The following COX5A variants were observed in gnomAD, a reference collection of about 807,000 sequenced individuals.
COX5A encodes the protein cytochrome c oxidase subunit 5A.
A neutral mutation model predicts 16.1 loss-of-function variants in COX5A; 6 were observed. That is an observed-to-expected ratio of 0.37 (90% CI 0.20 to 0.73). The LOEUF (loss-of-function observed/expected upper bound fraction) is 0.73, where lower values mean the gene tolerates loss of function less well. COX5A is among the 30% of genes least tolerant of loss of function. The pLI is 0.50. For synonymous variants in COX5A, 73 were observed against 73.8 expected (o/e 0.99, Z 0.06); for missense variants, 159 against 194.9 (o/e 0.82, Z 1.10).
At chr15:74,928,510 G>A (rs1297456508) in intron 2 of COX5A, among the ~76,000 whole-genome samples, 3 of 151,722 alleles carry the variant, frequency 2.0e-5, no homozygotes, top group East Asian at 3.9e-4. Context: ...TCAGCCTCCC[G>A]AGTAGCTGTG....
chr15:74,935,902 T>A (rs1479589662), intron 1 of COX5A, among the ~76,000 whole-genome samples: 1 of 151,556 alleles, frequency 6.6e-6, no homozygotes, highest in African/African-American at 2.4e-5. Flanking sequence ...AAAATGTAAA[T>A]TGTACTGTTA....
intron 1 of COX5A, among the ~76,000 whole-genome samples, chr15:74,935,876 C>T (rs2065387758): frequency 6.6e-6 from 1 of 151,980 alleles, no homozygotes; most frequent in Non-Finnish European, 1.5e-5. Flanking sequence ...AGGCGTGAGC[C>T]ACCGTGTCCG....
intron 1 of COX5A, among the ~76,000 whole-genome samples, chr15:74,929,735 A>C (rs867831898): frequency 1.1e-4 from 16 of 152,152 alleles, no homozygotes; most frequent in Admixed American, 2.0e-4. Context: ...GAACCTGATA[A>C]GATAGCCATT....
chr15:74,928,394 T>G (rs1336633656), intron 2 of COX5A, among the ~76,000 whole-genome samples: 1 of 152,144 alleles, frequency 6.6e-6, no homozygotes, highest in Non-Finnish European at 1.5e-5. Flanking sequence ...AATTCTTTTT[T>G]TTTTTTCTGA....
Position 74,926,763 on chromosome 15 carries a change from G to T in COX5A, c.339+3C>A. 1 of 1,606,746 alleles carries T rather than the reference G, an allele frequency of 6.2e-7. No homozygotes were observed. The highest frequency in any genetic ancestry group is 1.1e-5 in the South Asian group (1 of 89,494). On this transcript the variant is annotated splice_donor_region_variant and intron_variant, in intron 3 of 4. Coordinates refer to ENST00000322347, the MANE Select transcript of COX5A (RefSeq NM_004255.4). ...ACAATTTTAGCATTATTATTTCACT[G>T]ACCTTAACAACCTCTAGGATACGAA... is the stretch of plus-strand genomic sequence containing the variant.
chr15:74,928,388 C>A (rs1029916234), intron 2 of COX5A, among the ~76,000 whole-genome samples: 1 of 145,834 alleles, frequency 6.9e-6, no homozygotes, highest in East Asian at 2.0e-4. Flanking sequence ...TGTGTAAATT[C>A]TTTTTTTTTT....
At chr15:74,922,766 A>C (rs977293584) in intron 4 of COX5A, among the ~76,000 whole-genome samples, 8 of 151,602 alleles carry the variant, frequency 5.3e-5, no homozygotes, top group African/African-American at 1.9e-4. Context: ...CCTGGGTTCA[A>C]GTGATTCTCC....
At chr15:74,933,438 T>G (rs199588244) in intron 1 of COX5A, among the ~76,000 whole-genome samples, 1 of 125,858 alleles carries the variant, frequency 7.9e-6, no homozygotes, top group Non-Finnish European at 1.6e-5. Flanking sequence ...TATCTATCTA[T>G]CTATCTATCT....
rs1290030060 is a variant in COX5A, at chr15:74,929,250, C to A, written c.101-18G>T. 6.6e-7 allele frequency: 1 copy of A among 1,504,016 alleles called. No homozygotes were observed. The highest frequency in any genetic ancestry group is 9.3e-7 in the Non-Finnish European group (1 of 1,080,750). The allele number at this position is 1,504,016 out of a possible 1,614,324, so 93.2% of individuals were successfully genotyped here. On this transcript the variant is annotated intron_variant, in intron 1 of 4. Transcript: ENST00000322347. ...CTGGATAGCTATAATGTGAAAGAAC[C>A]ATAACTTCAATGTACACAAATAGTA... is the stretch of plus-strand genomic sequence containing the variant.
In COX5A at chr15:74,938,025, G is replaced by A. The variant is rs1024787372; in HGVS notation, c.-11C>T. 1.6e-6 allele frequency: 2 copies of A among 1,229,868 alleles called. No homozygotes were observed. The highest frequency in any genetic ancestry group is 2.0e-6 in the Non-Finnish European group (2 of 986,548). The allele number at this position is 1,229,868 out of a possible 1,614,324, so 76.2% of individuals were successfully genotyped here. A position where few individuals can be genotyped will look rare whatever the true frequency, so the allele number is the denominator to read the frequency against. ...AGCGGCGCCCAGCATGACGGCGATG[G>A]CGGCGCGCGGGCTGAGGACAGAGAG... On this transcript the variant is annotated 5_prime_UTR_variant, in exon 1 of 5. Transcript: ENST00000322347.
At chr15:74,928,067 C>T (rs975610511) in intron 2 of COX5A, among the ~76,000 whole-genome samples, 5 of 152,112 alleles carry the variant, frequency 3.3e-5, no homozygotes, top group African/African-American at 1.2e-4. Context: ...AGTAAGAATT[C>T]TATTGGTTGT....
At chr15:74,927,901 G>A (rs1054401696) in intron 2 of COX5A, among the ~76,000 whole-genome samples, 7 of 152,302 alleles carry the variant, frequency 4.6e-5, no homozygotes, top group African/African-American at 1.7e-4. Flanking sequence ...AGATATTATA[G>A]AGAAACATTA....
intron 1 of COX5A, among the ~76,000 whole-genome samples, chr15:74,936,794 A>T (rs1339955463): frequency 6.6e-6 from 1 of 151,332 alleles, no homozygotes; most frequent in Non-Finnish European, 1.5e-5. Context: ...ACCCAGCTAA[A>T]TTTTTTGTAT....
chr15:74,935,396 G>GGGA (rs1192183132), intron 1 of COX5A, among the ~76,000 whole-genome samples: 1 of 151,892 alleles, frequency 6.6e-6, no homozygotes, highest in Admixed American at 6.6e-5. Flanking sequence ...TTTGGAAGGT[G>GGGA]GGAGGAGGGA....
rs763453964 is a variant in COX5A at position 74,923,654 on chromosome 15, G to A, written c.*3C>T. On this transcript the variant is annotated 3_prime_UTR_variant, in exon 4 of 5. Transcript: ENST00000322347. ...TCAGTGGTTTGTCGCTTACCCATGCGGTTTACACTTTGTCAAGGCCCAGTT... is the reference window on the plus strand; with the variant it reads ...TCAGTGGTTTGTCGCTTACCCATGCAGTTTACACTTTGTCAAGGCCCAGTT... 17 of 1,586,070 alleles carry A rather than the reference G, an allele frequency of 1.1e-5. No individual in the cohort carries two copies. Among genetic ancestry groups the A allele is most frequent in the Admixed American group, 5.0e-5 (3 of 59,884 alleles).
chr15:74,936,931 G>A (rs1185196476), intron 1 of COX5A, among the ~76,000 whole-genome samples: 1 of 152,048 alleles, frequency 6.6e-6, no homozygotes, highest in Admixed American at 6.6e-5. Context: ...GCCCGGCTGA[G>A]TTCTTTTTTT....
intron 1 of COX5A, 185 bp downstream of exon 1, chr15:74,937,730 C>T (rs2065398204): frequency 2.6e-6 from 1 of 387,530 alleles, no homozygotes; most frequent in Non-Finnish European, 4.5e-6. Context: ...GGGGGGAGGC[C>T]CCGGGGGCGC....
At chr15:74,921,387 G>C (rs2065319108) in intron 4 of COX5A, among the ~76,000 whole-genome samples, 1 of 122,876 alleles carries the variant, frequency 8.1e-6, no homozygotes, top group Admixed American at 1.1e-4. Flanking sequence ...CAGCCTGGGT[G>C]ACAGAGCCAG....
intron 3 of COX5A, among the ~76,000 whole-genome samples, chr15:74,925,336 CA>C (rs1288640984): frequency 2.6e-5 from 4 of 151,880 alleles, no homozygotes; most frequent in African/African-American, 9.7e-5. Context: ...AAATTATGAC[CA>C]AATAAGAAGG....
Sources: allele counts gnomAD v4.1 joint callset (sites outside exome capture counted in the v4.1 genomes callset), GRCh38; gene constraint gnomAD v4.1.1; transcripts MANE v1.5; gene names NCBI Gene and HGNC (gene_info 2026-07-23, HGNC 2026-07-21).